The following SYNE1 variants were observed in gnomAD, a reference collection of about 807,000 sequenced individuals.
SYNE1 encodes the protein nesprin-1.
In SYNE1, 616 loss-of-function variants were observed where a neutral mutation model predicts 1,111.0. That is an observed-to-expected ratio of 0.55 (90% confidence interval 0.52 to 0.59). SYNE1 has a LOEUF of 0.59. Among genes scored for constraint, SYNE1 ranks in the 20% least tolerant of loss-of-function variants. The pLI is 0.00. For missense variants in SYNE1, 10,006 were observed against 10,417.0 expected, an observed-to-expected ratio of 0.96 and a Z score of 1.72; for synonymous variants, 3,855 against 3,825.8, an observed-to-expected ratio of 1.01 and a Z score of -0.28.
intron 91 of SYNE1, among the ~76,000 whole-genome samples, chr6:152,306,323 T>C (rs2095371557): frequency 6.6e-6 from 1 of 151,824 alleles, no homozygotes; most frequent in African/African-American, 2.4e-5. Flanking sequence ...CCGTCTCTAC[T>C]AAAAATACAA....
chr6:152,360,130 G>T (rs1162898986), intron 64 of SYNE1, among the ~76,000 whole-genome samples: 3 of 152,178 alleles, frequency 2.0e-5, no homozygotes, highest in African/African-American at 7.2e-5. Context: ...ATTAAAAGTT[G>T]AATCGTGTCG....
At chr6:152,424,582 A>AT (rs1186391996) in intron 39 of SYNE1, among the ~76,000 whole-genome samples, 8 of 152,066 alleles carry the variant, frequency 5.3e-5, no homozygotes, top group Non-Finnish European at 1.2e-4. Context: ...GGTTTTGTTC[A>AT]TTTTTATGGC....
At chr6:152,606,089 C>T (rs2099614071) in intron 3 of SYNE1, among the ~76,000 whole-genome samples, 1 of 152,156 alleles carries the variant, frequency 6.6e-6, no homozygotes, top group African/African-American at 2.4e-5. Flanking sequence ...CAGTCTGTGG[C>T]TTGGCAGTGC....
At chr6:152,510,046 C>T in intron 8 of SYNE1, 147 bp downstream of exon 8, 2 of 835,852 alleles carry the variant, frequency 2.4e-6, no homozygotes, top group Non-Finnish European at 4.0e-6. Context: ...GTTTATATCT[C>T]AATTCAAGGC....
At chr6:152,539,502 T>C (rs904678918) in intron 4 of SYNE1, among the ~76,000 whole-genome samples, 5 of 152,204 alleles carry the variant, frequency 3.3e-5, no homozygotes, top group African/African-American at 9.6e-5. Context: ...TCATGTCCTA[T>C]TACCATGGTT....
chr6:152,227,212 A>T (rs1253626239), intron 115 of SYNE1, among the ~76,000 whole-genome samples: 1 of 152,170 alleles, frequency 6.6e-6, no homozygotes, highest in Non-Finnish European at 1.5e-5. Flanking sequence ...TCATTTTTAA[A>T]ATAGTAATAA....
At chr6:152,484,425 G>T (rs1311641912) in intron 13 of SYNE1, among the ~76,000 whole-genome samples, 1 of 152,128 alleles carries the variant, frequency 6.6e-6, no homozygotes, top group Non-Finnish European at 1.5e-5. Context: ...ACACAGGAAG[G>T]TCATTAACTG....
chr6:152,190,436 C>A (rs1308563749), intron 127 of SYNE1, among the ~76,000 whole-genome samples: 4 of 152,072 alleles, frequency 2.6e-5, no homozygotes, highest in Non-Finnish European at 4.4e-5. Context: ...ATGAATGTTG[C>A]TTTTGTGAAA....
chr6:152,294,746 T>C (rs1457738984), intron 93 of SYNE1, among the ~76,000 whole-genome samples: 2 of 152,162 alleles, frequency 1.3e-5, no homozygotes, highest in Non-Finnish European at 2.9e-5. Flanking sequence ...AAGTGAATGA[T>C]GAAATATCAT....
chr6:152,283,247 A>G (rs935149304), intron 96 of SYNE1, among the ~76,000 whole-genome samples: 3 of 152,234 alleles, frequency 2.0e-5, no homozygotes, highest in Non-Finnish European at 2.9e-5. Context: ...CAGAATAGCA[A>G]GAGTATTTTC....
At position 152,354,687 on chromosome 6, in the gene SYNE1, G is replaced by C; in HGVS notation, c.10898C>G (p.Thr3633Ser). 1 of 1,614,172 alleles carries C rather than the reference G, an allele frequency of 6.2e-7. No homozygotes were observed. The highest frequency in any genetic ancestry group is 8.5e-7 in the Non-Finnish European group (1 of 1,180,032). The part of the protein sequence containing the change: ...PRTRRQSNRA[T>S]KEIQLHQMKK... ...CATCTGATGTAATTGTATCTCCTTGGTTGCCCTGTTAGACTGACGTCTGGT... is the reference window on the plus strand; with the variant it reads ...CATCTGATGTAATTGTATCTCCTTGCTTGCCCTGTTAGACTGACGTCTGGT... The change falls in exon 67 of 146, where the codon ACC becomes AGC. Residue 3633 changes from threonine to serine, a missense_variant. Transcript: ENST00000367255.
At chr6:152,560,354 A>C (rs1391176344) in intron 3 of SYNE1, among the ~76,000 whole-genome samples, 1 of 152,166 alleles carries the variant, frequency 6.6e-6, no homozygotes, top group African/African-American at 2.4e-5. Flanking sequence ...TGACAGAGCG[A>C]GACTCCATCT....
chr6:152,331,338 G>C lies in SYNE1; in HGVS notation c.13347C>G (p.Asn4449Lys). 6.2e-7 allele frequency: 1 copy of C among 1,614,184 alleles called. No homozygotes were observed. The highest frequency in any genetic ancestry group is 8.5e-7 in the Non-Finnish European group (1 of 1,180,026). ...DLVGQRRKYL[N>K]KALSEKTQFL... Reference sequence around the variant, plus strand: ...ACTGGGTTTTCTCGGACAAGGCTTTGTTTAAGTACTTTCTTCGCTGGCCCA... The same window carrying C: ...ACTGGGTTTTCTCGGACAAGGCTTTCTTTAAGTACTTTCTTCGCTGGCCCA... The change falls in exon 78 of 146, where the codon AAC (asparagine) becomes AAG (lysine). Residue 4449 changes from asparagine to lysine, a missense_variant. Transcript: ENST00000367255.
At chr6:152,272,250 G>A (rs2093270282) in intron 98 of SYNE1, among the ~76,000 whole-genome samples, 1 of 152,206 alleles carries the variant, frequency 6.6e-6, no homozygotes, top group South Asian at 2.1e-4. Context: ...ATAAGAAGGT[G>A]CAGCCAGAAG....
chr6:152,361,931 T>C (rs2096938935), intron 64 of SYNE1, among the ~76,000 whole-genome samples: 1 of 151,950 alleles, frequency 6.6e-6, no homozygotes, highest in African/African-American at 2.4e-5. Context: ...TTTTAAATGG[T>C]TTGTATCATA....
At chr6:152,532,060 A>T (rs895662594) in intron 4 of SYNE1, among the ~76,000 whole-genome samples, 2 of 152,108 alleles carry the variant, frequency 1.3e-5, no homozygotes, top group Non-Finnish European at 2.9e-5. Context: ...TTTTTATCTT[A>T]TTTTTTGAAA....
At chr6:152,378,885 C>T (rs566863849) in intron 56 of SYNE1, among the ~76,000 whole-genome samples, 2 of 152,286 alleles carry the variant, frequency 1.3e-5, no homozygotes, top group South Asian at 4.1e-4. Flanking sequence ...GAATGACATT[C>T]TCTTGGTTTG....
At chr6:152,540,163 A>T in intron 3 of SYNE1, 142 bp from the exon 4 acceptor site, 1 of 823,104 alleles carries the variant, frequency 1.2e-6, no homozygotes, top group South Asian at 1.5e-5. Context: ...TTGAAGGGAA[A>T]AGTCAACAAG....
At chr6:152,502,536 A>G (rs1379989589) in intron 10 of SYNE1, 97 bp downstream of exon 10, 3 of 910,386 alleles carry the variant, frequency 3.3e-6, no homozygotes, top group Non-Finnish European at 5.4e-6. Context: ...TCATATTAAA[A>G]TGCATTCAAA....
Sources: gnomAD v4.1 joint callset for allele counts (sites outside exome capture counted in the v4.1 genomes callset) on GRCh38, gnomAD v4.1.1 for gene constraint, MANE v1.5 for transcripts, NCBI Gene and HGNC (gene_info 2026-07-23, HGNC 2026-07-21) for gene names.